Variants in PDE11A observed in about 807,000 individuals in gnomAD.
The protein encoded by PDE11A is dual 3',5'-cyclic-AMP and -GMP phosphodiesterase 11A.
In PDE11A, 100 loss-of-function variants were observed where a neutral mutation model predicts 100.5. The observed-to-expected ratio is 1.00, with a 90% confidence interval of 0.85 to 1.18. PDE11A has a LOEUF of 1.18. Ranked by LOEUF, PDE11A falls within the 50% of genes most tolerant of loss-of-function variation. PDE11A has a pLI of 0.00. For synonymous variants in PDE11A, 381 were observed against 420.8 expected (o/e 0.91, Z 1.16); for missense variants, 1,141 against 1,152.6 (o/e 0.99, Z 0.15).
chr2:177,908,642 G>T (rs566031228), intron 2 of PDE11A, among the ~76,000 whole-genome samples: 5 of 152,266 alleles, frequency 3.3e-5, no homozygotes, highest in South Asian at 2.1e-4. Context: ...GGGCCCACAG[G>T]TGAGGGTCCT....
chr2:177,737,774 T>A (rs1488854900), intron 10 of PDE11A, among the ~76,000 whole-genome samples: 1 of 152,190 alleles, frequency 6.6e-6, no homozygotes, highest in African/African-American at 2.4e-5. Context: ...ATCATTAATA[T>A]GTTGTGTAAT....
intron 15 of PDE11A, chr2:177,687,379 T>A (rs1215156931): frequency 6.6e-6 from 1 of 152,200 alleles, no homozygotes; most frequent in African/African-American, 2.4e-5. Context: ...AAATTTTGTA[T>A]AATATTGCTC....
At chr2:177,743,730 G>A (rs1030653753) in intron 10 of PDE11A, among the ~76,000 whole-genome samples, 2 of 152,190 alleles carry the variant, frequency 1.3e-5, no homozygotes, top group Non-Finnish European at 2.9e-5. Context: ...TCTGCAATAA[G>A]TTATTACTAT....
chr2:177,910,342 T>C (rs1365299267), intron 2 of PDE11A, among the ~76,000 whole-genome samples: 2 of 152,024 alleles, frequency 1.3e-5, no homozygotes, highest in African/African-American at 4.8e-5. Flanking sequence ...AGTGTAGAAA[T>C]AGAAAATGAA....
At chr2:177,855,251 T>C (rs1305960604) in intron 5 of PDE11A, among the ~76,000 whole-genome samples, 1 of 152,034 alleles carries the variant, frequency 6.6e-6, no homozygotes, top group Non-Finnish European at 1.5e-5. Context: ...ACATTCCCTA[T>C]TACCTTGGAC....
At chr2:177,927,429 T>TAAGA (rs1356241885) in intron 2 of PDE11A, among the ~76,000 whole-genome samples, 1 of 152,206 alleles carries the variant, frequency 6.6e-6, no homozygotes, top group Non-Finnish European at 1.5e-5. Context: ...GGAAAGACAT[T>TAAGA]CATTTCTTAA....
At position 177,845,750 on chromosome 2, in the gene PDE11A, T is replaced by G. The variant is rs1002325799; in HGVS notation, c.1368-5367A>C. 1.2e-4 allele frequency among the ~76,000 whole-genome samples: 18 copies of G among 152,300 alleles called. No homozygotes were observed. In the East Asian group the frequency reaches 3.1e-3, roughly 26 times the overall value. ...CTCCAGCCTGGGCACCATTGAGCAC[T>G]GAGTGAACGAGACTCCGTCTGCAAT... On this transcript the variant is annotated intron_variant, in intron 5 of 19. Transcript: ENST00000286063.
At chr2:177,641,495 T>C (rs1458138229) in intron 19 of PDE11A, among the ~76,000 whole-genome samples, 1 of 150,596 alleles carries the variant, frequency 6.6e-6, no homozygotes, top group African/African-American at 2.4e-5. Flanking sequence ...TTAGTTACTA[T>C]ATGTGAGAGC....
In PDE11A at chr2:177,850,938, G is replaced by A. The variant is rs1330157694; in HGVS notation, c.1368-10555C>T. On this transcript the variant is annotated intron_variant, in intron 5 of 19. Coordinates refer to ENST00000286063, the MANE Select transcript of PDE11A (RefSeq NM_016953.4). ...TAGGAACACTTTTACACTGTTGGAG[G>A]GACTGTAAACTAGTTCAACCATTGT... Among the ~76,000 whole-genome samples, 4 of 152,312 alleles carry A rather than the reference G, an allele frequency of 2.6e-5. No individual in the cohort carries two copies. The East Asian group carries it at 7.7e-4, about 29-fold the overall frequency.
intron 19 of PDE11A, among the ~76,000 whole-genome samples, chr2:177,649,221 C>T (rs1293160637): frequency 2.6e-5 from 4 of 152,054 alleles, no homozygotes; most frequent in Admixed American, 6.6e-5. Flanking sequence ...ATATCTATCA[C>T]GATCTCAAAT....
chr2:177,729,718 A>G (rs2081652811), intron 10 of PDE11A, among the ~76,000 whole-genome samples: 1 of 152,204 alleles, frequency 6.6e-6, no homozygotes, highest in Non-Finnish European at 1.5e-5. Context: ...TACTTTGAAA[A>G]TAACTCCCCC....
At chr2:177,941,159 C>G (rs76144726) in intron 2 of PDE11A, among the ~76,000 whole-genome samples, 3,469 of 152,226 alleles carry the variant, frequency 0.023, 112 homozygotes, top group African/African-American at 0.08. Context: ...CTCATTTAAT[C>G]CTCACGGCAA....
In PDE11A at chr2:177,645,457, A is replaced by G. The variant is rs140205283; in HGVS notation, c.2647-15895T>C. 2.1e-3 allele frequency among the ~76,000 whole-genome samples: 315 copies of G among 152,316 alleles called. 2 individuals are homozygous for G. Among genetic ancestry groups the G allele is most frequent in the African/African-American group, 7.3e-3 (304 of 41,578 alleles). On this transcript the variant is annotated intron_variant, in intron 19 of 19. Coordinates refer to ENST00000286063, the MANE Select transcript of PDE11A (RefSeq NM_016953.4). ...AGTGATCCACCACTTTGGCTTCCCA[A>G]AGTGCTGGGATTACAGGCATGAGCA... is the stretch of plus-strand genomic sequence containing the variant.
intron 17 of PDE11A, among the ~76,000 whole-genome samples, chr2:177,671,157 G>C (rs975248372): frequency 1.3e-5 from 2 of 152,168 alleles, no homozygotes; most frequent in South Asian, 4.1e-4. Context: ...GTGCACATCA[G>C]GCGCCTCAAG....
Position 177,655,398 on chromosome 2 carries a change from C to T in PDE11A, c.2646+8468G>A, listed in dbSNP as rs140917515. 5.3e-5 allele frequency among the ~76,000 whole-genome samples: 8 copies of T among 152,184 alleles called. No individual in the cohort carries two copies. In the East Asian group the frequency reaches 1.5e-3, roughly 29 times the overall value. ...ATGCTGGAAGAACTCTGAGATGTAG[C>T]GAAGGGTATGAGATGCCTTCACCTG... On this transcript the variant is annotated intron_variant, in intron 19 of 19. Transcript: ENST00000286063.
chr2:177,929,875 G>C (rs2085182554), intron 2 of PDE11A, among the ~76,000 whole-genome samples: 2 of 152,136 alleles, frequency 1.3e-5, no homozygotes, highest in African/African-American at 2.4e-5. Context: ...ACTGCTGTTT[G>C]AGCAATAATC....
chr2:178,023,839 G>A (rs1322741418), intron 1 of PDE11A, among the ~76,000 whole-genome samples: 1 of 152,080 alleles, frequency 6.6e-6, no homozygotes, highest in Non-Finnish European at 1.5e-5. Context: ...AGATTACAGA[G>A]AAAAATTATA....
chr2:177,653,727 T>C (rs978869149), intron 19 of PDE11A, among the ~76,000 whole-genome samples: 1 of 152,218 alleles, frequency 6.6e-6, no homozygotes, highest in Non-Finnish European at 1.5e-5. Context: ...GGACTCTCCC[T>C]CAGAGCCTTC....
intron 19 of PDE11A, among the ~76,000 whole-genome samples, chr2:177,643,832 C>G (rs2080181498): frequency 6.6e-6 from 1 of 152,186 alleles, no homozygotes; most frequent in Non-Finnish European, 1.5e-5. Flanking sequence ...GCCCTGCATC[C>G]CAGCCACTCT....
Sources: allele counts gnomAD v4.1 joint callset (sites outside exome capture counted in the v4.1 genomes callset), GRCh38; gene constraint gnomAD v4.1.1; transcripts MANE v1.5; gene names NCBI Gene and HGNC (gene_info 2026-07-23, HGNC 2026-07-21).